DIP2B: variants seen among roughly 807,000 people sequenced by gnomAD.
DIP2B encodes DIP2 acetate--CoA ligase B (putative), also known as disco-interacting protein 2 homolog B.
DIP2B carries 76 observed loss-of-function variants against 198.0 expected under a neutral mutation model. The observed-to-expected ratio is 0.38, with a 90% CI of 0.32 to 0.46. DIP2B has a LOEUF of 0.46. Among genes scored for constraint, DIP2B ranks in the 20% least tolerant of loss-of-function variants. The probability of loss-of-function intolerance (pLI) is 0.99; values close to 1 mark genes in which losing one functional copy is unlikely to be tolerated. For synonymous variants in DIP2B, 701 were observed against 739.1 expected (o/e 0.95, Z 0.84); for missense variants, 1,559 against 1,978.4 (o/e 0.79, Z 4.02).
chr12:50,592,259 C>T (rs1413816728), intron 1 of DIP2B, among the ~76,000 whole-genome samples: 1 of 152,044 alleles, frequency 6.6e-6, no homozygotes, highest in Non-Finnish European at 1.5e-5. Flanking sequence ...ACTGCAGCCT[C>T]GAACTCTTGG....
chr12:50,677,656 A>G (rs1449386064), intron 7 of DIP2B, among the ~76,000 whole-genome samples: 4 of 151,952 alleles, frequency 2.6e-5, no homozygotes, highest in African/African-American at 9.7e-5. Flanking sequence ...TTTGATTTTT[A>G]TTATTTGAAT....
Position 50,737,087 on chromosome 12 carries a change from G to T in DIP2B, c.4153G>T (p.Val1385Phe). The stretch of plus-strand genomic sequence containing the variant: ...TGTTAATCCTGAGACCAAAGGGCCG[G>T]TTGGAGACTCTCACCTTGGAGAGGT... Reference protein sequence around the residue: ...VIVNPETKGPVGDSHLGEIWV... With the variant: ...VIVNPETKGPFGDSHLGEIWV... Residue 1385 changes from valine (V) to phenylalanine (F), a missense_variant, in exon 35 of 38, where the codon GTT becomes TTT. By Grantham distance (50) the Val-to-Phe change is conservative. Coordinates refer to ENST00000301180, the MANE Select transcript of DIP2B (RefSeq NM_173602.3). 6.2e-7 allele frequency: 1 copy of T among 1,614,030 alleles called. No homozygotes were observed. Among genetic ancestry groups the T allele is most frequent in the Non-Finnish European group, 8.5e-7 (1 of 1,179,982 alleles).
chr12:50,694,654 C>CTTTTT (rs371524388), intron 14 of DIP2B, among the ~76,000 whole-genome samples: 1 of 131,212 alleles, frequency 7.6e-6, no homozygotes, highest in Non-Finnish European at 1.6e-5. Context: ...ACCCCTGTCT[C>CTTTTT]TTTTTTTTTT....
At chr12:50,640,681 A>G (rs746730631) in intron 2 of DIP2B, 43 bp from the exon 3 acceptor site, 2 of 1,605,838 alleles carry the variant, frequency 1.2e-6, no homozygotes, top group South Asian at 1.1e-5. Context: ...AATGTTAGCT[A>G]TTACTGTTAC....
intron 1 of DIP2B, among the ~76,000 whole-genome samples, chr12:50,559,048 GC>G (rs2139395116): frequency 6.6e-6 from 1 of 152,268 alleles, no homozygotes; most frequent in African/African-American, 2.4e-5. Context: ...GGCAAGGAGA[GC>G]ATACTGTCAA....
At chr12:50,742,393 T>C (rs1261808389) in intron 37 of DIP2B, among the ~76,000 whole-genome samples, 1 of 7,572 alleles carries the variant, frequency 1.3e-4, no homozygotes, top group Non-Finnish European at 2.2e-4. Context: ...TGAGACTGTC[T>C]CAAAAAAAAA....
intron 1 of DIP2B, among the ~76,000 whole-genome samples, chr12:50,565,100 T>C (rs1958552175): frequency 6.6e-6 from 1 of 151,994 alleles, no homozygotes; most frequent in East Asian, 1.9e-4. Flanking sequence ...ACCTCCCGAC[T>C]CAAGTGATCC....
At chr12:50,696,052 C>A in intron 16 of DIP2B, 85 bp downstream of exon 16, 1 of 1,560,930 alleles carries the variant, frequency 6.4e-7, no homozygotes, top group Non-Finnish European at 8.7e-7. Context: ...ATATAATTCA[C>A]ATACTGAAAA....
intron 1 of DIP2B, among the ~76,000 whole-genome samples, chr12:50,581,744 C>T (rs1052335823): frequency 1.3e-5 from 2 of 152,104 alleles, no homozygotes; most frequent in Admixed American, 6.6e-5. Context: ...CCTGCTGACT[C>T]AGGCATGGTT....
chr12:50,609,873 G>C (rs1290950429), intron 1 of DIP2B, among the ~76,000 whole-genome samples: 1 of 152,052 alleles, frequency 6.6e-6, no homozygotes, highest in Non-Finnish European at 1.5e-5. Flanking sequence ...TTCATGTTCT[G>C]TTAAAACACC....
intron 1 of DIP2B, among the ~76,000 whole-genome samples, chr12:50,597,971 T>C (rs1487960032): frequency 2.0e-5 from 3 of 152,196 alleles, no homozygotes; most frequent in African/African-American, 7.2e-5. Context: ...GTGAGCACGC[T>C]TGCTGAACTG....
chr12:50,632,739 G>T (rs1210475260), intron 2 of DIP2B, among the ~76,000 whole-genome samples: 1 of 151,644 alleles, frequency 6.6e-6, no homozygotes, highest in East Asian at 2.0e-4. Flanking sequence ...GTTTCACCAT[G>T]TTGGCCAGGC....
chr12:50,572,602 A>T (rs2139409416), intron 1 of DIP2B, among the ~76,000 whole-genome samples: 1 of 152,338 alleles, frequency 6.6e-6, no homozygotes, highest in Non-Finnish European at 1.5e-5. Flanking sequence ...CTTCCAGGTT[A>T]CTACATTGAC....
chr12:50,724,318 T>G (rs1461840428), intron 27 of DIP2B, among the ~76,000 whole-genome samples: 1 of 152,214 alleles, frequency 6.6e-6, no homozygotes, highest in African/African-American at 2.4e-5. Context: ...TGAGAGCTTA[T>G]ATCAGCATCA....
intron 2 of DIP2B, among the ~76,000 whole-genome samples, chr12:50,640,034 A>G (rs1938226478): frequency 6.6e-6 from 1 of 152,166 alleles, no homozygotes; most frequent in Non-Finnish European, 1.5e-5. Flanking sequence ...TACTAATAAG[A>G]TATTAATACT....
At position 50,708,457 on chromosome 12, in the gene DIP2B, G is replaced by A. The variant is rs1337697022; in HGVS notation, c.2544G>A (p.Val848=). 2 of 1,597,666 alleles carry A rather than the reference G, an allele frequency of 1.3e-6. No individual in the cohort carries two copies. The highest frequency in any genetic ancestry group is 1.7e-6 in the Non-Finnish European group (2 of 1,170,850). The change falls in exon 22 of 38, where the codon GTG becomes GTA. Residue 848 remains valine, a synonymous_variant. Transcript: ENST00000301180. ...GATCTGTCTCTCTTAGAATTGCTGT[G>A]TTTTCTGTGTCTGTATTTTATGATG... The part of the protein sequence containing the change: ...IKTVYRGRIA[V]FSVSVFYDER...
chr12:50,660,922 A>G (rs200095592), intron 4 of DIP2B, among the ~76,000 whole-genome samples: 2 of 152,190 alleles, frequency 1.3e-5, no homozygotes, highest in East Asian at 3.8e-4. Flanking sequence ...TCATGAGATC[A>G]GTGAGAACTA....
intron 19 of DIP2B, 22 bp from the exon 20 acceptor site, chr12:50,704,118 C>A: frequency 6.3e-7 from 1 of 1,594,632 alleles, no homozygotes; most frequent in South Asian, 1.2e-5. Context: ...AAGTTTTTCA[C>A]TTACTTCATT....
intron 1 of DIP2B, among the ~76,000 whole-genome samples, chr12:50,521,882 A>G (rs1469410418): frequency 6.6e-6 from 1 of 151,658 alleles, no homozygotes; most frequent in Non-Finnish European, 1.5e-5. Context: ...GGGCTCAAGG[A>G]TTCACCTGCC....
Sources: gnomAD v4.1 joint callset for allele counts (sites outside exome capture counted in the v4.1 genomes callset) on GRCh38, gnomAD v4.1.1 for gene constraint, MANE v1.5 for transcripts, NCBI Gene and HGNC (gene_info 2026-07-23, HGNC 2026-07-21) for gene names.